Variants in MSRA observed in about 807,000 individuals in gnomAD.
MSRA encodes methionine sulfoxide reductase A, also known as mitochondrial peptide methionine sulfoxide reductase.
Under a neutral mutation model 31.3 loss-of-function variants are expected in MSRA, and 54 were observed. The ratio of observed to expected loss-of-function variants is 1.73; its 90% CI spans 1.39 to 2.17. The LOEUF (loss-of-function observed/expected upper bound fraction) is 2.17. MSRA is among the 30% of genes most tolerant of loss of function. The pLI is 0.00. For missense variants in MSRA, 507 were observed against 300.9 expected, an observed-to-expected ratio of 1.69 and a Z score of -5.07; for synonymous variants, 169 against 116.5, an observed-to-expected ratio of 1.45 and a Z score of -2.90.
intron 1 of MSRA, among the ~76,000 whole-genome samples, chr8:10,086,281 A>G (rs1798554158): frequency 6.6e-6 from 1 of 152,250 alleles, no homozygotes; most frequent in Admixed American, 6.5e-5. Flanking sequence ...CAGGTTGAGC[A>G]GTTGGATGCT....
chr8:10,213,439 T>TC (rs1360106421), intron 2 of MSRA, among the ~76,000 whole-genome samples: 1 of 142,654 alleles, frequency 7.0e-6, no homozygotes, highest in Non-Finnish European at 1.5e-5. Context: ...TTTCTTTTTT[T>TC]TTTTTTTTTT....
chr8:10,414,654 AG>A (rs1178945942), intron 5 of MSRA, among the ~76,000 whole-genome samples: 1 of 152,246 alleles, frequency 6.6e-6, no homozygotes, highest in Non-Finnish European at 1.5e-5. Context: ...TCTAAGCTTA[AG>A]CATCTGCTGC....
At chr8:10,143,398 A>C (rs1406930497) in intron 1 of MSRA, among the ~76,000 whole-genome samples, 1 of 152,162 alleles carries the variant, frequency 6.6e-6, no homozygotes, top group African/African-American at 2.4e-5. Flanking sequence ...CTGGTATGGC[A>C]TCCCAGTTTG....
At chr8:10,420,116 G>T (rs1808721278) in intron 5 of MSRA, among the ~76,000 whole-genome samples, 3 of 152,208 alleles carry the variant, frequency 2.0e-5, no homozygotes, top group South Asian at 4.1e-4. Context: ...AAAAGAAAGG[G>T]TATTCTGACG....
chr8:10,426,774 A>G (rs565374456), intron 5 of MSRA, among the ~76,000 whole-genome samples: 1 of 152,298 alleles, frequency 6.6e-6, no homozygotes, highest in African/African-American at 2.4e-5. Context: ...TAAAATTAAC[A>G]TGTGTGAAGT....
chr8:10,075,947 C>T (rs1179362902), intron 1 of MSRA, among the ~76,000 whole-genome samples: 2 of 152,208 alleles, frequency 1.3e-5, no homozygotes, highest in East Asian at 3.9e-4. Flanking sequence ...CAGGACCTTT[C>T]ATGACCATAC....
intron 2 of MSRA, among the ~76,000 whole-genome samples, chr8:10,234,909 C>A (rs1223585549): frequency 1.3e-5 from 2 of 151,912 alleles, no homozygotes; most frequent in East Asian, 3.9e-4. Flanking sequence ...AATAGCATAG[C>A]CTAAACTGTG....
chr8:10,342,734 C>A (rs1318085046), intron 5 of MSRA, among the ~76,000 whole-genome samples: 2 of 152,176 alleles, frequency 1.3e-5, no homozygotes, highest in African/African-American at 4.8e-5. Context: ...TGCTCCCAAG[C>A]TCACACAGCG....
chr8:10,230,107 C>T (rs1188293581), intron 2 of MSRA, among the ~76,000 whole-genome samples: 1 of 152,244 alleles, frequency 6.6e-6, no homozygotes, highest in African/African-American at 2.4e-5. Flanking sequence ...AGGTGCAATG[C>T]ATGCTGTGCT....
At chr8:10,102,677 A>T (rs1799614868) in intron 1 of MSRA, among the ~76,000 whole-genome samples, 1 of 152,210 alleles carries the variant, frequency 6.6e-6, no homozygotes, top group African/African-American at 2.4e-5. Context: ...ATATCCAGGC[A>T]TGTTGGGTAC....
At position 10,064,177 on chromosome 8, in the gene MSRA, T is replaced by G. The variant is rs535549274; in HGVS notation, c.142+9519T>G. On this transcript the variant is annotated intron_variant, in intron 1 of 5. Transcript: ENST00000317173. ...ATGATCAGAGTTCTCAGATTCCAGC[T>G]GCTTTCTCCTGGATATCCTATCAAA... Among the ~76,000 whole-genome samples, 282 of 152,314 alleles carry G rather than the reference T, an allele frequency of 1.9e-3. 2 individuals carry two copies. Among genetic ancestry groups the G allele is most frequent in the African/African-American group, 6.4e-3 (266 of 41,574 alleles).
intron 4 of MSRA, among the ~76,000 whole-genome samples, chr8:10,304,272 C>T (rs186216097): frequency 1.6e-4 from 25 of 152,330 alleles, no homozygotes; most frequent in Admixed American, 6.5e-4. Flanking sequence ...ATCTGGGATA[C>T]GCACGAGTAT....
At chr8:10,150,128 C>T (rs1554466333) in intron 1 of MSRA, among the ~76,000 whole-genome samples, 1 of 151,846 alleles carries the variant, frequency 6.6e-6, no homozygotes, top group Non-Finnish European at 1.5e-5. Flanking sequence ...ACTGAAAATG[C>T]AGAGAAGTTC....
At chr8:10,156,224 T>C (rs557591921) in intron 1 of MSRA, among the ~76,000 whole-genome samples, 9 of 152,260 alleles carry the variant, frequency 5.9e-5, no homozygotes, top group African/African-American at 2.2e-4. Context: ...ACAAACAAAA[T>C]GGCTATAAAG....
At chr8:10,418,215 G>C (rs533972464) in intron 5 of MSRA, among the ~76,000 whole-genome samples, 1 of 152,322 alleles carries the variant, frequency 6.6e-6, no homozygotes, top group East Asian at 1.9e-4. Context: ...GGGTGTAGGG[G>C]ATGGGGATTG....
intron 3 of MSRA, among the ~76,000 whole-genome samples, chr8:10,276,127 T>C (rs1400851212): frequency 6.6e-6 from 1 of 152,178 alleles, no homozygotes; most frequent in African/African-American, 2.4e-5. Context: ...GCGACACATG[T>C]AGGGTGACCT....
In MSRA at chr8:10,356,355, G is replaced by C. The variant is rs141751651; in HGVS notation, c.543+36366G>C. ...TGTGTGGCTTTGTGATTTTATGTAA[G>C]CCAAACAACCTTGTTACTGCATAAC... On this transcript the variant is annotated intron_variant, in intron 5 of 5. Coordinates refer to ENST00000317173, the MANE Select transcript of MSRA (RefSeq NM_012331.5). 2.9e-3 allele frequency among the ~76,000 whole-genome samples: 446 copies of C among 152,310 alleles called. 2 individuals carry two copies. The highest frequency in any genetic ancestry group is 0.01 in the African/African-American group (434 of 41,564).
chr8:10,394,118 C>T (rs1011508891), intron 5 of MSRA, among the ~76,000 whole-genome samples: 3 of 152,186 alleles, frequency 2.0e-5, no homozygotes, highest in African/African-American at 7.2e-5. Flanking sequence ...TTTGTAATGA[C>T]ATTTAAATAT....
At chr8:10,150,292 C>T (rs1213336957) in intron 1 of MSRA, among the ~76,000 whole-genome samples, 4 of 152,092 alleles carry the variant, frequency 2.6e-5, no homozygotes, top group African/African-American at 9.7e-5. Flanking sequence ...AGTGCACCGG[C>T]TCTGAGCAGA....
Sources: gnomAD v4.1 joint callset for allele counts (sites outside exome capture counted in the v4.1 genomes callset) on GRCh38, gnomAD v4.1.1 for gene constraint, MANE v1.5 for transcripts, NCBI Gene and HGNC (gene_info 2026-07-23, HGNC 2026-07-21) for gene names.